The following PATJ variants were observed in gnomAD, a reference collection of about 807,000 sequenced individuals.
PATJ encodes the protein PATJ crumbs cell polarity complex component.
A neutral mutation model predicts 224.9 loss-of-function variants in PATJ; 190 were observed. The observed-to-expected ratio is 0.84, with a 90% CI of 0.75 to 0.95. The LOEUF (loss-of-function observed/expected upper bound fraction) is 0.95. PATJ is among the 40% of genes least tolerant of loss of function. The pLI is 0.00. For synonymous variants in PATJ, 769 were observed against 820.3 expected, an observed-to-expected ratio of 0.94 and a Z score of 1.07; for missense variants, 2,121 against 2,270.3, an observed-to-expected ratio of 0.93 and a Z score of 1.34.
At chr1:61,914,910 T>C (rs1017471384) in intron 26 of PATJ, among the ~76,000 whole-genome samples, 2 of 152,200 alleles carry the variant, frequency 1.3e-5, no homozygotes, top group Non-Finnish European at 2.9e-5. Context: ...TAGATTTCTT[T>C]CCTGTTCAGA....
rs547009647 is a variant in PATJ, at chr1:61,970,296, C to G, written c.3671-19872C>G. Among the ~76,000 whole-genome samples, 377 of 151,928 alleles carry G rather than the reference C, an allele frequency of 2.5e-3. 4 individuals carry two copies. Among genetic ancestry groups the G allele is most frequent in the African/African-American group, 8.8e-3 (363 of 41,410 alleles). ...AAAGTAGAGTTCCCAATACCTCCCC[C>G]ACCGACACACGGGCAACCTCTCCCA... is the stretch of plus-strand genomic sequence containing the variant. On this transcript the variant is annotated intron_variant, in intron 27 of 43. Coordinates refer to ENST00000642238, the MANE Select transcript of PATJ (RefSeq NM_001350145.3).
intron 29 of PATJ, among the ~76,000 whole-genome samples, chr1:62,028,326 T>C (rs1290302123): frequency 6.6e-6 from 1 of 152,038 alleles, no homozygotes; most frequent in East Asian, 1.9e-4. Context: ...ACCTCAGCCT[T>C]TTGAGTAGCT....
intron 33 of PATJ, among the ~76,000 whole-genome samples, chr1:62,102,992 T>C (rs1425886426): frequency 6.6e-6 from 1 of 151,812 alleles, no homozygotes; most frequent in Non-Finnish European, 1.5e-5. Context: ...TAGTGAGATC[T>C]ACAGATCATC....
At chr1:61,934,456 G>T (rs1393998403) in intron 27 of PATJ, among the ~76,000 whole-genome samples, 1 of 152,078 alleles carries the variant, frequency 6.6e-6, no homozygotes, top group East Asian at 1.9e-4. Context: ...TAATTACACG[G>T]TAATAATCAC....
At chr1:61,754,520 G>GTTTTTTTTT (rs548557219) in intron 1 of PATJ, among the ~76,000 whole-genome samples, 6 of 94,448 alleles carry the variant, frequency 6.4e-5, no homozygotes, top group Admixed American at 1.4e-4. Context: ...TTTTTTGCAT[G>GTTTTTTTTT]TTTTTTTTTT....
At chr1:61,883,492 G>A (rs554687252) in intron 21 of PATJ, among the ~76,000 whole-genome samples, 138 of 152,242 alleles carry the variant, frequency 9.1e-4, no homozygotes, top group African/African-American at 3.2e-3. Context: ...GCTCACGCCT[G>A]TAATCTCAGC....
At chr1:62,016,632 A>C (rs1200547422) in intron 28 of PATJ, among the ~76,000 whole-genome samples, 3 of 152,218 alleles carry the variant, frequency 2.0e-5, no homozygotes, top group Admixed American at 6.5e-5. Flanking sequence ...ATCAGGAATA[A>C]AGAAATTTAG....
At chr1:61,847,872 G>A (rs1358541236) in intron 17 of PATJ, among the ~76,000 whole-genome samples, 1 of 152,054 alleles carries the variant, frequency 6.6e-6, no homozygotes, top group Non-Finnish European at 1.5e-5. Flanking sequence ...AATGGCAAAG[G>A]AAAAAGAAGA....
At chr1:61,907,061 G>A (rs760079563) in intron 24 of PATJ, among the ~76,000 whole-genome samples, 1 of 152,048 alleles carries the variant, frequency 6.6e-6, no homozygotes, top group African/African-American at 2.4e-5. Flanking sequence ...ATTTTATAAG[G>A]AACTTTTCCC....
At chr1:62,152,387 G>A (rs11804701) in intron 42 of PATJ, among the ~76,000 whole-genome samples, 5,393 of 144,888 alleles carry the variant, frequency 0.037, 141 homozygotes, top group South Asian at 0.13. Context: ...GAGTGCGGCA[G>A]CTCACGCCTG....
At chr1:61,833,850 T>C in intron 17 of PATJ, 65 bp downstream of exon 17, 1 of 1,467,818 alleles carries the variant, frequency 6.8e-7, no homozygotes, top group Non-Finnish European at 9.2e-7. Context: ...TTATGGGAAG[T>C]AGCAATTGTT....
intron 28 of PATJ, among the ~76,000 whole-genome samples, chr1:61,996,917 AT>A (rs1251102094): frequency 2.0e-5 from 3 of 151,278 alleles, no homozygotes; most frequent in South Asian, 2.1e-4. Flanking sequence ...TAATTTTTGT[AT>A]TTTAGTGGAG....
intron 27 of PATJ, among the ~76,000 whole-genome samples, chr1:61,973,366 G>A (rs1683232213): frequency 6.6e-6 from 1 of 151,984 alleles, no homozygotes. Flanking sequence ...ACAGGGCTCT[G>A]GGCACACAGC....
intron 33 of PATJ, among the ~76,000 whole-genome samples, chr1:62,106,003 G>A (rs35129900): frequency 0.016 from 1,987 of 127,590 alleles, 30 homozygotes; most frequent in Non-Finnish European, 0.024. Context: ...CAGGAGAATC[G>A]CTTGAGCCCA....
chr1:61,959,428 T>TATATATATAATATATATA, intron 27 of PATJ, among the ~76,000 whole-genome samples: 1 of 109,014 alleles, frequency 9.2e-6, no homozygotes, highest in African/African-American at 3.6e-5. Context: ...ATAATATATT[T>TATATATATAATATATATA]TTTTTCTTTT....
chr1:61,931,833 AG>A (rs1676072993), intron 27 of PATJ, among the ~76,000 whole-genome samples: 2 of 152,202 alleles, frequency 1.3e-5, no homozygotes, highest in Non-Finnish European at 2.9e-5. Flanking sequence ...CATATAGATA[AG>A]GGCTTTTTTG....
At position 61,990,215 on chromosome 1, in the gene PATJ, A is replaced by G. The variant is rs752280548; in HGVS notation, c.3718A>G (p.Ile1240Val). The G allele has an allele frequency of 6.2e-7, 1 of 1,613,704 alleles. No individual in the cohort carries two copies. Among genetic ancestry groups the G allele is most frequent in the Non-Finnish European group, 8.5e-7 (1 of 1,179,854 alleles). Residue 1240 changes from isoleucine to valine, a missense_variant, in exon 28 of 44, where the codon ATT becomes GTT. Coordinates refer to ENST00000642238, the MANE Select transcript of PATJ (RefSeq NM_001350145.3). Reference protein sequence around the residue: ...YADLPGELHIIELEKDKNGLG... With the variant: ...YADLPGELHIVELEKDKNGLG... ...AGATCTGCCTGGAGAACTGCACATT[A>G]TTGAACTTGAAAAAGATAAGAATGG... is the stretch of plus-strand genomic sequence containing the variant.
chr1:61,776,071 T>C (rs1304492897), intron 7 of PATJ, among the ~76,000 whole-genome samples: 1 of 152,212 alleles, frequency 6.6e-6, no homozygotes, highest in Non-Finnish European at 1.5e-5. Flanking sequence ...TAAGTAAAAA[T>C]GAACTTGCCA....
chr1:61,806,591 G>A (rs866698807), intron 13 of PATJ, among the ~76,000 whole-genome samples: 15 of 150,688 alleles, frequency 1.0e-4, no homozygotes, highest in African/African-American at 1.7e-4. Flanking sequence ...TGCACTCCAG[G>A]CTGGGTGACA....
Sources: allele counts gnomAD v4.1 joint callset (sites outside exome capture counted in the v4.1 genomes callset), GRCh38; gene constraint gnomAD v4.1.1; transcripts MANE v1.5; gene names NCBI Gene and HGNC (gene_info 2026-07-23, HGNC 2026-07-21).